NALF1: variants seen among roughly 807,000 people sequenced by gnomAD.
NALF1 encodes the protein NALCN channel auxiliary factor 1.
In NALF1, 3 loss-of-function variants were observed where a neutral mutation model predicts 48.4. The observed-to-expected ratio is 0.06, with a 90% CI of 0.03 to 0.16. The LOEUF is 0.16. NALF1 is among the 10% of genes least tolerant of loss of function. The probability of loss-of-function intolerance (pLI) is 1.00; values close to 1 mark genes in which losing one functional copy is unlikely to be tolerated. For synonymous variants in NALF1, 262 were observed against 245.7 expected, an observed-to-expected ratio of 1.07 and a Z score of -0.62; for missense variants, 526 against 571.5, an observed-to-expected ratio of 0.92 and a Z score of 0.81.
intron 1 of NALF1, among the ~76,000 whole-genome samples, chr13:107,398,504 C>T (rs1051137554): frequency 5.3e-5 from 8 of 151,956 alleles, no homozygotes; most frequent in African/African-American, 1.9e-4. Flanking sequence ...TGTTAAAATG[C>T]TGGTTCTTCA....
chr13:107,338,562 C>A (rs569454639), intron 1 of NALF1, among the ~76,000 whole-genome samples: 2 of 152,232 alleles, frequency 1.3e-5, no homozygotes, highest in South Asian at 2.1e-4. Flanking sequence ...ATTGATATAA[C>A]CCCCTGAATA....
chr13:107,175,169 G>GT (rs1478547169), intron 2 of NALF1, among the ~76,000 whole-genome samples: 1 of 151,390 alleles, frequency 6.6e-6, no homozygotes, highest in Non-Finnish European at 1.5e-5. Flanking sequence ...GATTACAGGC[G>GT]TGAGCCATCG....
At chr13:107,629,750 TAC>T (rs1286779242) in intron 1 of NALF1, among the ~76,000 whole-genome samples, 3 of 152,200 alleles carry the variant, frequency 2.0e-5, no homozygotes, top group African/African-American at 7.2e-5. Context: ...AGAAATGTTT[TAC>T]AGTTTTTACA....
intron 1 of NALF1, among the ~76,000 whole-genome samples, chr13:107,337,715 C>A (rs1299013254): frequency 6.6e-6 from 1 of 152,046 alleles, no homozygotes; most frequent in Admixed American, 6.6e-5. Context: ...AGAAAAGTAT[C>A]CAGGGATTAG....
At chr13:107,558,672 A>G (rs903199555) in intron 1 of NALF1, among the ~76,000 whole-genome samples, 2 of 152,172 alleles carry the variant, frequency 1.3e-5, no homozygotes, top group Non-Finnish European at 2.9e-5. Flanking sequence ...TTGACTGGCT[A>G]ATGCCCAGAT....
intron 1 of NALF1, among the ~76,000 whole-genome samples, chr13:107,568,980 T>G (rs961013977): frequency 2.0e-5 from 3 of 152,216 alleles, no homozygotes; most frequent in African/African-American, 7.2e-5. Context: ...GCTTGTGATG[T>G]CCAATCTAAG....
chr13:107,819,399 C>A (rs957088274), intron 1 of NALF1, among the ~76,000 whole-genome samples: 1 of 152,132 alleles, frequency 6.6e-6, no homozygotes, highest in African/African-American at 2.4e-5. Context: ...GCATTTCTGG[C>A]AACTGTGTCA....
At chr13:107,235,863 A>G (rs891240642) in intron 1 of NALF1, among the ~76,000 whole-genome samples, 1 of 152,166 alleles carries the variant, frequency 6.6e-6, no homozygotes, top group South Asian at 2.1e-4. Context: ...TCATTCCATT[A>G]GTGTTTAGTG....
At chr13:107,776,996 G>T (rs9520580) in intron 1 of NALF1, among the ~76,000 whole-genome samples, 1 of 152,016 alleles carries the variant, frequency 6.6e-6, no homozygotes, top group Non-Finnish European at 1.5e-5. Flanking sequence ...GGAGACTGAG[G>T]GGGGGAAGAT....
chr13:107,250,760 A>C (rs1183053738), intron 1 of NALF1, among the ~76,000 whole-genome samples: 2 of 152,018 alleles, frequency 1.3e-5, no homozygotes, highest in Admixed American at 6.6e-5. Context: ...TGTAATTCCC[A>C]GTGTTGGAGG....
At chr13:107,519,487 A>T (rs7993170) in intron 1 of NALF1, among the ~76,000 whole-genome samples, 102,333 of 151,746 alleles carry the variant, frequency 0.67, 35,840 homozygotes, top group Middle Eastern at 0.81. Flanking sequence ...TGCCCCAAGG[A>T]TGTCCCAGGG....
Position 107,865,764 on chromosome 13 carries a change from T to G in NALF1, c.833A>C (p.Lys278Thr). The stretch of plus-strand genomic sequence containing the variant: ...GAGCACGCTTTCAAACTCTTCGTAT[T>G]TCTCCTGAGCATGGTGGTCATAGTC... ...YQDYDHHAQEKYEEFESVLHK... is the reference protein window; with the variant it reads ...YQDYDHHAQETYEEFESVLHK... Residue 278 changes from lysine to threonine, a missense_variant, in exon 1 of 3, where the codon AAA becomes ACA. Transcript: ENST00000375915. The G allele has an allele frequency of 1.2e-6, 2 of 1,614,040 alleles. No homozygotes were observed. Among genetic ancestry groups the G allele is most frequent in the Non-Finnish European group, 8.5e-7 (1 of 1,180,018 alleles).
At chr13:107,256,964 T>C (rs1246855234) in intron 1 of NALF1, among the ~76,000 whole-genome samples, 1 of 152,144 alleles carries the variant, frequency 6.6e-6, no homozygotes, top group Non-Finnish European at 1.5e-5. Flanking sequence ...TCCCTGAGAC[T>C]AGGGAATTTA....
chr13:107,422,979 C>G (rs1388435887), intron 1 of NALF1, among the ~76,000 whole-genome samples: 1 of 151,964 alleles, frequency 6.6e-6, no homozygotes, highest in African/African-American at 2.4e-5. Flanking sequence ...GCAATCCTGC[C>G]GACACCTACA....
chr13:107,857,853 T>G (rs1177817617), intron 1 of NALF1, among the ~76,000 whole-genome samples: 1 of 152,212 alleles, frequency 6.6e-6, no homozygotes, highest in Non-Finnish European at 1.5e-5. Flanking sequence ...TTAATTTTAT[T>G]GATGTTTCCC....
At chr13:107,356,932 T>C (rs1882972872) in intron 1 of NALF1, among the ~76,000 whole-genome samples, 1 of 152,212 alleles carries the variant, frequency 6.6e-6, no homozygotes, top group Non-Finnish European at 1.5e-5. Context: ...CTGTTTCTGC[T>C]TTATCTGGGC....
chr13:107,513,154 G>T (rs955387550), intron 1 of NALF1, among the ~76,000 whole-genome samples: 4 of 152,058 alleles, frequency 2.6e-5, no homozygotes, highest in Admixed American at 2.6e-4. Context: ...TTTTTTAGGG[G>T]TTTTCTTTTT....
chr13:107,371,607 A>G (rs1426255056), intron 1 of NALF1, among the ~76,000 whole-genome samples: 1 of 152,192 alleles, frequency 6.6e-6, no homozygotes, highest in Non-Finnish European at 1.5e-5. Context: ...AACCACAACA[A>G]AGAGACTCTT....
chr13:107,727,702 T>C (rs3848033), intron 1 of NALF1, among the ~76,000 whole-genome samples: 113,121 of 152,046 alleles, frequency 0.74, 43,323 homozygotes, highest in Non-Finnish European at 0.85. Flanking sequence ...ACTGAAGAGC[T>C]TCTGCACAGC....
Sources: allele counts gnomAD v4.1 joint callset (sites outside exome capture counted in the v4.1 genomes callset), GRCh38; gene constraint gnomAD v4.1.1; transcripts MANE v1.5; gene names NCBI Gene and HGNC (gene_info 2026-07-23, HGNC 2026-07-21).